HABP4: variants seen among roughly 807,000 people sequenced by gnomAD.
The protein encoded by HABP4 is intracellular hyaluronan-binding protein 4.
A neutral mutation model predicts 44.1 loss-of-function variants in HABP4; 32 were observed. That is an observed-to-expected ratio of 0.73 (90% CI 0.55 to 0.97). The LOEUF is 0.97. Ranked by LOEUF, HABP4 falls within the 50% of genes least tolerant of loss-of-function variation. The pLI, the probability that HABP4 is intolerant of heterozygous loss-of-function variation, is 0.00. For synonymous variants in HABP4, 216 were observed against 218.0 expected, an observed-to-expected ratio of 0.99 and a Z score of 0.08; for missense variants, 503 against 561.9, an observed-to-expected ratio of 0.90 and a Z score of 1.06.
rs1014512216 is a variant in HABP4 at position 96,491,191 on chromosome 9, C to A, written c.*1153C>A. 1 of 152,246 alleles carries A rather than the reference C, an allele frequency of 6.6e-6. No individual in the cohort carries two copies. The highest frequency in any genetic ancestry group is 2.4e-5 in the African/African-American group (1 of 41,448). 9.4% of individuals were successfully genotyped at this position (152,246 alleles called of 1,614,324 possible). ...CTCATAGACACAGAGGTACTGTCTG[C>A]CTGTTGTCACACAGTTCATATGCTC... On this transcript the variant is annotated 3_prime_UTR_variant, in exon 8 of 8. Coordinates refer to ENST00000375249, the MANE Select transcript of HABP4 (RefSeq NM_014282.4).
chr9:96,490,271 T>G lies in HABP4; in HGVS notation c.*233T>G. 1.8e-6 allele frequency: 1 copy of G among 566,356 alleles called. No homozygotes were observed. The highest frequency in any genetic ancestry group is 3.1e-5 in the Admixed American group (1 of 32,720). 35.1% of individuals were successfully genotyped at this position (566,356 alleles called of 1,614,324 possible). On this transcript the variant is annotated 3_prime_UTR_variant, in exon 8 of 8. Coordinates refer to ENST00000375249, the MANE Select transcript of HABP4 (RefSeq NM_014282.4). ...TGACTGTGTTTTTATTGAAGGAATTTCAAATGAAGAATAATGTTTAAAATG... is the reference window on the plus strand; with the variant it reads ...TGACTGTGTTTTTATTGAAGGAATTGCAAATGAAGAATAATGTTTAAAATG...
chr9:96,457,359 A>G (rs563133275), intron 1 of HABP4, among the ~76,000 whole-genome samples: 1 of 152,200 alleles, frequency 6.6e-6, no homozygotes, highest in African/African-American at 2.4e-5. Context: ...AAACACAAGA[A>G]CAAAACCAGA....
At chr9:96,487,932 G>C (rs1833003309) in intron 6 of HABP4, among the ~76,000 whole-genome samples, 157 bp from the exon 7 acceptor site, 2 of 152,198 alleles carry the variant, frequency 1.3e-5, no homozygotes, top group African/African-American at 4.8e-5. Flanking sequence ...CCTTTGTCCA[G>C]CTCTGCAGCC....
intron 4 of HABP4, among the ~76,000 whole-genome samples, chr9:96,467,453 A>T (rs908837062): frequency 1.3e-5 from 2 of 151,684 alleles, no homozygotes; most frequent in African/African-American, 4.8e-5. Context: ...TATTTTAAAA[A>T]GTAATATAGG....
At chr9:96,482,314 T>C (rs1832894347) in intron 5 of HABP4, among the ~76,000 whole-genome samples, 1 of 152,172 alleles carries the variant, frequency 6.6e-6, no homozygotes, top group Non-Finnish European at 1.5e-5. Flanking sequence ...CAGCATGTAG[T>C]AATCTCTATT....
intron 5 of HABP4, among the ~76,000 whole-genome samples, chr9:96,475,584 C>T (rs1288037935): frequency 1.3e-5 from 2 of 152,076 alleles, no homozygotes; most frequent in Non-Finnish European, 2.9e-5. Flanking sequence ...TGTGCAGAGC[C>T]GGAATTTGAA....
chr9:96,466,097 A>G (rs1318179066), intron 4 of HABP4, among the ~76,000 whole-genome samples: 1 of 152,162 alleles, frequency 6.6e-6, no homozygotes, highest in East Asian at 1.9e-4. Flanking sequence ...TTGGCTGCAC[A>G]CGGTGACTCA....
intron 2 of HABP4, among the ~76,000 whole-genome samples, chr9:96,461,696 A>G (rs1033412665): frequency 1.3e-5 from 2 of 152,188 alleles, no homozygotes; most frequent in African/African-American, 4.8e-5. Flanking sequence ...TTCTCATTGA[A>G]AAATGGAGAG....
At chr9:96,471,501 C>T (rs1478964830) in intron 5 of HABP4, among the ~76,000 whole-genome samples, 1 of 152,148 alleles carries the variant, frequency 6.6e-6, no homozygotes, top group Non-Finnish European at 1.5e-5. Context: ...TATCCTATCA[C>T]AGAGGGCTGA....
intron 6 of HABP4, among the ~76,000 whole-genome samples, chr9:96,485,641 A>G (rs1832962770): frequency 6.6e-6 from 1 of 152,164 alleles, no homozygotes; most frequent in South Asian, 2.1e-4. Flanking sequence ...CTAGCAGCAT[A>G]TGTTGATAGG....
rs1284515373 is a variant in HABP4, at chr9:96,488,536, C to T, written c.1185+262C>T. ...GAAACTCACTGTCACCCGCATTAGA[C>T]AAGATCCCCAGGCTTGGGATTGAAC... On this transcript the variant is annotated intron_variant, in intron 7 of 7. Coordinates refer to ENST00000375249, the MANE Select transcript of HABP4 (RefSeq NM_014282.4). This position sits in a 1 kb window ranked among gnomAD's most constrained non-coding sequence, Gnocchi z 4.6. Among the ~76,000 whole-genome samples the T allele has an allele frequency of 1.3e-5, 2 of 152,190 alleles. No individual in the cohort carries two copies. Among genetic ancestry groups the T allele is most frequent in the South Asian group, 4.1e-4 (2 of 4,828 alleles).
Position 96,471,060 on chromosome 9 carries a change from T to C in HABP4, c.793T>C (p.Ser265Pro). Reference protein sequence around the residue: ...PMEEPTVVEESQGTPEEESPA... With the variant: ...PMEEPTVVEEPQGTPEEESPA... ...GGAGGAACCCACAGTGGTGGAGGAG[T>C]CCCAGGGCACCCCGGAAGAGGAGTC... Residue 265 changes from serine (S) to proline (P), a missense_variant, in exon 5 of 8, where the codon TCC becomes CCC. Coordinates refer to ENST00000375249, the MANE Select transcript of HABP4 (RefSeq NM_014282.4). The C allele has an allele frequency of 2.5e-6, 4 of 1,605,324 alleles. No individual in the cohort carries two copies. Among genetic ancestry groups the C allele is most frequent in the Non-Finnish European group, 3.4e-6 (4 of 1,172,392 alleles).
chr9:96,455,224 G>C (rs1162114627), intron 1 of HABP4, among the ~76,000 whole-genome samples: 1 of 152,124 alleles, frequency 6.6e-6, no homozygotes. Context: ...GTCGAGGCAG[G>C]TGGGTCACCT....
At chr9:96,475,390 C>CAACAACAAA (rs368432005) in intron 5 of HABP4, among the ~76,000 whole-genome samples, 21 of 94,126 alleles carry the variant, frequency 2.2e-4, no homozygotes, top group African/African-American at 8.3e-4. Flanking sequence ...ACAACAACAA[C>CAACAACAAA]AAAAAAAAAA....
intron 1 of HABP4, among the ~76,000 whole-genome samples, chr9:96,456,774 AAAAAAAATATATATATATAT>A (rs1564158725): frequency 8.5e-5 from 6 of 70,280 alleles, no homozygotes; most frequent in African/African-American, 3.2e-4. Flanking sequence ...AAAAAAAAAA[AAAAAAAATATATATATATAT>A]ATATATATAT....
intron 1 of HABP4, among the ~76,000 whole-genome samples, chr9:96,458,034 CTG>C (rs1457192339): frequency 2.0e-5 from 3 of 152,230 alleles, no homozygotes; most frequent in South Asian, 4.1e-4. Flanking sequence ...GGCTTACACA[CTG>C]TGTTTTTGTA....
chr9:96,471,348 G>A (rs529749534), intron 5 of HABP4, among the ~76,000 whole-genome samples: 5 of 152,050 alleles, frequency 3.3e-5, no homozygotes, highest in Admixed American at 6.5e-5. Flanking sequence ...TCACCATGTC[G>A]GCCAGGCTGG....
chr9:96,475,057 G>A (rs770585337), intron 5 of HABP4, among the ~76,000 whole-genome samples: 10 of 152,150 alleles, frequency 6.6e-5, no homozygotes, highest in Admixed American at 3.3e-4. Flanking sequence ...TACCTGTGAC[G>A]ACTCTTTGTA....
chr9:96,457,294 TC>T (rs1448500475), intron 1 of HABP4, among the ~76,000 whole-genome samples: 1 of 151,608 alleles, frequency 6.6e-6, no homozygotes, highest in Admixed American at 6.6e-5. Flanking sequence ...TGAGCCGAGA[TC>T]GGGCCATTGC....
Sources: gnomAD v4.1 joint callset for allele counts (sites outside exome capture counted in the v4.1 genomes callset) on GRCh38, gnomAD v4.1.1 for gene constraint, Gnocchi (gnomAD v3.1) non-coding constraint, MANE v1.5 for transcripts, NCBI Gene and HGNC (gene_info 2026-07-23, HGNC 2026-07-21) for gene names.